Variants in FOCAD observed in about 807,000 individuals in gnomAD.
FOCAD encodes the protein KIAA1797.
A neutral mutation model predicts 225.6 loss-of-function variants in FOCAD; 198 were observed. The ratio of observed to expected loss-of-function variants is 0.88; its 90% CI spans 0.78 to 0.99. The LOEUF (loss-of-function observed/expected upper bound fraction) is 0.99. Among genes scored for constraint, FOCAD ranks in the 50% least tolerant of loss-of-function variants. The probability of loss-of-function intolerance (pLI) is 0.00; values close to 1 mark genes in which losing one functional copy is unlikely to be tolerated. For synonymous variants in FOCAD, 897 were observed against 755.0 expected, an observed-to-expected ratio of 1.19 and a Z score of -3.08; for missense variants, 2,713 against 2,123.6, an observed-to-expected ratio of 1.28 and a Z score of -5.46.
rs147834849 is a variant in FOCAD, at chr9:20,819,240, G to A, written c.1456-556G>A. 5.9e-5 allele frequency among the ~76,000 whole-genome samples: 9 copies of A among 152,106 alleles called. No individual in the cohort carries two copies. In the East Asian group the frequency reaches 1.7e-3, roughly 29 times the overall value. ...TATCTTTTTATTTTTTTGAGACAGG[G>A]TCTTGCTCTGTCATCTAGGCTGGAG... On this transcript the variant is annotated intron_variant, in intron 11 of 43. Coordinates refer to ENST00000338382, the MANE Select transcript of FOCAD (RefSeq NM_001375567.1).
chr9:20,697,975 C>G (rs568941149), intron 1 of FOCAD, among the ~76,000 whole-genome samples: 1 of 152,306 alleles, frequency 6.6e-6, no homozygotes, highest in East Asian at 1.9e-4. Context: ...GTGTGACTTT[C>G]GCATTAAATA....
At chr9:20,658,092 G>A (rs549881885), upstream of FOCAD, among the ~76,000 whole-genome samples, 79 of 150,192 alleles carry the variant, frequency 5.3e-4, no homozygotes, top group East Asian at 0.016. Flanking sequence ...GGCTGCTCAG[G>A]GGTCAGGGGT....
intron 11 of FOCAD, among the ~76,000 whole-genome samples, chr9:20,807,686 A>G (rs1340093267): frequency 4.6e-5 from 7 of 152,240 alleles, no homozygotes; most frequent in East Asian, 1.9e-4. Context: ...AGTGGCTACT[A>G]TGTTGAACAG....
chr9:20,874,595 A>G lies in FOCAD; in HGVS notation c.2191-86A>G. The G allele has an allele frequency of 2.0e-6, 3 of 1,465,714 alleles. 1 individual carries two copies. The highest frequency in any genetic ancestry group is 2.6e-5 in the South Asian group (2 of 75,770). The allele number at this position is 1,465,714 out of a possible 1,614,324, so 90.8% of individuals were successfully genotyped here. On this transcript the variant is annotated intron_variant, in intron 18 of 43. Coordinates refer to ENST00000338382, the MANE Select transcript of FOCAD (RefSeq NM_001375567.1). ...TGATGGAGTCTAACAAAATTTTAAA[A>G]TCTTGTCACAAAAAAGGATACAGAA... is the stretch of plus-strand genomic sequence containing the variant.
chr9:20,901,191 AATGTGTGTGT>A (rs1385974552), intron 21 of FOCAD, among the ~76,000 whole-genome samples: 312 of 132,418 alleles, frequency 2.4e-3, no homozygotes, highest in Middle Eastern at 3.9e-3. Flanking sequence ...ATGTGGAAAC[AATGTGTGTGT>A]GTGTGTGTGT....
intron 15 of FOCAD, among the ~76,000 whole-genome samples, chr9:20,834,918 G>C (rs1325300905): frequency 6.6e-6 from 1 of 151,988 alleles, no homozygotes; most frequent in African/African-American, 2.4e-5. Flanking sequence ...TTTAAAAATT[G>C]ATTTCATATT....
At chr9:20,837,729 G>A (rs1587358007) in intron 15 of FOCAD, among the ~76,000 whole-genome samples, 2 of 152,102 alleles carry the variant, frequency 1.3e-5, no homozygotes, top group African/African-American at 2.4e-5. Context: ...TATTCAGCAT[G>A]TACTCTCAAA....
intron 29 of FOCAD, among the ~76,000 whole-genome samples, chr9:20,945,077 G>A (rs181114088): frequency 1.3e-4 from 20 of 152,336 alleles, no homozygotes; most frequent in Non-Finnish European, 2.2e-4. Context: ...GTTAAATCGA[G>A]ATTTTTAGAA....
intron 11 of FOCAD, among the ~76,000 whole-genome samples, chr9:20,808,122 T>A (rs1326768696): frequency 6.6e-6 from 1 of 152,124 alleles, no homozygotes; most frequent in Admixed American, 6.5e-5. Flanking sequence ...GATTCTGCAG[T>A]GGAACAGAAA....
chr9:20,921,335 G>C lies in FOCAD; in HGVS notation c.2853-2325G>C, dbSNP rs575351766. Among the ~76,000 whole-genome samples the C allele has an allele frequency of 3.3e-5, 5 of 152,264 alleles. No individual in the cohort carries two copies. In the East Asian group the frequency reaches 9.6e-4, roughly 29 times the overall value. On this transcript the variant is annotated intron_variant, in intron 24 of 43. Coordinates refer to ENST00000338382, the MANE Select transcript of FOCAD (RefSeq NM_001375567.1). ...TTTTAAAGGACAATTTAATTAAAAC[G>C]TCGGTGGTGTTGCCTAGATAAATAC...
At chr9:20,767,403 G>A (rs1307165940) in intron 7 of FOCAD, among the ~76,000 whole-genome samples, 3 of 138,458 alleles carry the variant, frequency 2.2e-5, no homozygotes, top group Admixed American at 1.4e-4. Context: ...TTGCCACACT[G>A]ACTTCCACAA....
chr9:20,679,272 T>C (rs1393766305), upstream of FOCAD, among the ~76,000 whole-genome samples: 2 of 152,064 alleles, frequency 1.3e-5, no homozygotes, highest in Non-Finnish European at 1.5e-5. Context: ...TGGGGAGCCA[T>C]TGGAGACTCG....
At chr9:20,666,531 C>T (rs115196275) in intron 2 of FOCAD, among the ~76,000 whole-genome samples, 24 of 152,252 alleles carry the variant, frequency 1.6e-4, no homozygotes, top group African/African-American at 3.1e-4. Flanking sequence ...AATCACTCCC[C>T]TGCACTCAAG....
intron 15 of FOCAD, among the ~76,000 whole-genome samples, chr9:20,838,637 T>C (rs1427474005): frequency 6.6e-6 from 1 of 152,116 alleles, no homozygotes; most frequent in Non-Finnish European, 1.5e-5. Context: ...ATCCATGTTA[T>C]GGACTTCATA....
intron 1 of FOCAD, among the ~76,000 whole-genome samples, chr9:20,706,950 C>T (rs1015096426): frequency 2.0e-5 from 3 of 152,068 alleles, no homozygotes; most frequent in East Asian, 1.9e-4. Context: ...ACTCTGGTTC[C>T]GAAGAGAGAG....
intron 1 of FOCAD, among the ~76,000 whole-genome samples, chr9:20,693,261 T>C (rs1195264048): frequency 6.6e-6 from 1 of 152,188 alleles, no homozygotes; most frequent in Non-Finnish European, 1.5e-5. Context: ...CTGCTACTCT[T>C]TCCGCCTAGA....
At chr9:20,845,972 G>A (rs1337705429) in intron 15 of FOCAD, among the ~76,000 whole-genome samples, 1 of 152,098 alleles carries the variant, frequency 6.6e-6, no homozygotes, top group African/African-American at 2.4e-5. Context: ...AATCTCAAAT[G>A]TTTATTATGA....
At chr9:20,890,033 A>G (rs1831481971) in intron 21 of FOCAD, among the ~76,000 whole-genome samples, 1 of 151,892 alleles carries the variant, frequency 6.6e-6, no homozygotes, top group African/African-American at 2.4e-5. Flanking sequence ...CATCCAATTG[A>G]TTTTTTCTAT....
chr9:20,957,567 C>A (rs1436468708), intron 35 of FOCAD: 1 of 142,736 alleles, frequency 7.0e-6, no homozygotes, highest in Non-Finnish European at 1.5e-5. Flanking sequence ...CTCTGCCTCC[C>A]AGGCTCAAGT....
Sources: gnomAD v4.1 joint callset for allele counts (sites outside exome capture counted in the v4.1 genomes callset) on GRCh38, gnomAD v4.1.1 for gene constraint, MANE v1.5 for transcripts, NCBI Gene and HGNC (gene_info 2026-07-23, HGNC 2026-07-21) for gene names.